The following TMEM182 variants were observed in gnomAD, a reference collection of about 807,000 sequenced individuals.
TMEM182 encodes the protein transmembrane protein 182.
Under a neutral mutation model 26.8 loss-of-function variants are expected in TMEM182, and 20 were observed. The ratio of observed to expected loss-of-function variants is 0.75; its 90% CI spans 0.53 to 1.09. The LOEUF is 1.09. TMEM182 is among the 50% of genes least tolerant of loss of function. The pLI, the probability that TMEM182 is intolerant of heterozygous loss-of-function variation, is 0.00. For missense variants in TMEM182, 277 were observed against 275.5 expected, an observed-to-expected ratio of 1.01 and a Z score of -0.04; for synonymous variants, 109 against 102.2, an observed-to-expected ratio of 1.07 and a Z score of -0.40.
chr2:102,808,896 A>G (rs1314614128), intron 4 of TMEM182, among the ~76,000 whole-genome samples: 1 of 152,170 alleles, frequency 6.6e-6, no homozygotes, highest in Non-Finnish European at 1.5e-5. Context: ...AGCTATAGTG[A>G]TAGATGCTTT....
At chr2:102,783,930 C>A (rs913890301) in intron 3 of TMEM182, among the ~76,000 whole-genome samples, 10 of 152,204 alleles carry the variant, frequency 6.6e-5, no homozygotes, top group Non-Finnish European at 1.3e-4. Context: ...GAGATGCTAG[C>A]TATGTCTCAG....
At chr2:102,787,949 C>G (rs1370943730) in intron 3 of TMEM182, among the ~76,000 whole-genome samples, 1 of 152,234 alleles carries the variant, frequency 6.6e-6, no homozygotes, top group African/African-American at 2.4e-5. Context: ...CTTGCAGAAC[C>G]TGCTTTTTAA....
intron 1 of TMEM182, among the ~76,000 whole-genome samples, chr2:102,738,321 G>A (rs574229025): frequency 9.9e-4 from 150 of 152,270 alleles, no homozygotes; most frequent in South Asian, 3.1e-3. Context: ...ACGGCCAGGC[G>A]CGGTGGCTCA....
chr2:102,744,049 A>G (rs1679616313), intron 1 of TMEM182, among the ~76,000 whole-genome samples: 1 of 152,170 alleles, frequency 6.6e-6, no homozygotes. Flanking sequence ...ATAAGATACC[A>G]TCTTACATCT....
At chr2:102,801,395 T>A (rs1445388344) in intron 4 of TMEM182, among the ~76,000 whole-genome samples, 3 of 152,118 alleles carry the variant, frequency 2.0e-5, no homozygotes, top group Non-Finnish European at 4.4e-5. Context: ...GTGGGCTAGC[T>A]TGAAGCAGGC....
At chr2:102,793,411 A>G (rs888015644) in intron 3 of TMEM182, among the ~76,000 whole-genome samples, 2 of 152,164 alleles carry the variant, frequency 1.3e-5, no homozygotes, top group Non-Finnish European at 2.9e-5. Flanking sequence ...ACTTTGCCCA[A>G]ACATGACTAC....
intron 3 of TMEM182, among the ~76,000 whole-genome samples, chr2:102,825,554 GT>G (rs1263131507): frequency 6.6e-6 from 1 of 152,162 alleles, no homozygotes. Context: ...ACCCCATTGA[GT>G]TTTTGAGTCA....
chr2:102,762,317 A>C lies in TMEM182; in HGVS notation c.100A>C (p.Thr34Pro). ...TGGATCGGATTATTGGCTTCTTGCAACTGAAGTGGGGAGATGTTCAGGTGA... is the reference window on the plus strand; with the variant it reads ...TGGATCGGATTATTGGCTTCTTGCACCTGAAGTGGGGAGATGTTCAGGTGA... Reference protein sequence around the residue: ...AFGSDYWLLATEVGRCSGEKN... With the variant: ...AFGSDYWLLAPEVGRCSGEKN... Residue 34 changes from threonine (T) to proline (P), a missense_variant, in exon 1 of 5, where the codon ACT becomes CCT. Physicochemically the swap from Thr to Pro is conservative, Grantham distance 38 (BLOSUM62 -1). Coordinates refer to ENST00000412401, the MANE Select transcript of TMEM182 (RefSeq NM_144632.5). 1 of 1,613,962 alleles carries C rather than the reference A, an allele frequency of 6.2e-7. No homozygotes were observed. The highest frequency in any genetic ancestry group is 8.5e-7 in the Non-Finnish European group (1 of 1,179,930).
chr2:102,821,389 G>A (rs1046322033), downstream of TMEM182, among the ~76,000 whole-genome samples: 2 of 152,090 alleles, frequency 1.3e-5, no homozygotes, highest in African/African-American at 4.8e-5. Context: ...GCCATACTGA[G>A]TGAGTTCTCA....
At chr2:102,740,248 T>C (rs1308885002) in intron 1 of TMEM182, among the ~76,000 whole-genome samples, 1 of 152,230 alleles carries the variant, frequency 6.6e-6, no homozygotes, top group Non-Finnish European at 1.5e-5. Flanking sequence ...AAATCTCATC[T>C]TGAACTGCAG....
intron 3 of TMEM182, among the ~76,000 whole-genome samples, chr2:102,776,671 T>C (rs1680928246): frequency 6.6e-6 from 1 of 152,166 alleles, no homozygotes; most frequent in South Asian, 2.1e-4. Flanking sequence ...CTGGGGTAAA[T>C]ACCAAGGAGT....
intron 4 of TMEM182, among the ~76,000 whole-genome samples, chr2:102,805,327 G>T (rs967828703): frequency 6.6e-6 from 1 of 152,124 alleles, no homozygotes; most frequent in African/African-American, 2.4e-5. Flanking sequence ...CATCTTAGTT[G>T]GGTGAAGGCT....
chr2:102,758,607 G>A (rs1277798254), upstream of TMEM182: 3 of 648,194 alleles, frequency 4.6e-6, no homozygotes, highest in Admixed American at 4.9e-5. Flanking sequence ...TACCAAGCTG[G>A]GCCAGATCAG....
At chr2:102,758,306 A>G (rs1680107823), upstream of TMEM182, 4 of 584,366 alleles carry the variant, frequency 6.8e-6, no homozygotes, top group Non-Finnish European at 1.2e-5. Flanking sequence ...GCTGCTTAAC[A>G]GCCTTCCTAG....
At chr2:102,817,780 T>C (rs1682806387), downstream of TMEM182, 1 of 898,684 alleles carries the variant, frequency 1.1e-6, no homozygotes, top group African/African-American at 1.8e-5. Context: ...TGCATGTGTA[T>C]TATATGTTTG....
At chr2:102,740,783 A>G (rs1679519271) in intron 1 of TMEM182, among the ~76,000 whole-genome samples, 1 of 152,214 alleles carries the variant, frequency 6.6e-6, no homozygotes, top group Non-Finnish European at 1.5e-5. Context: ...TACAAGCCTT[A>G]TTTGTAATAA....
intron 1 of TMEM182, among the ~76,000 whole-genome samples, chr2:102,738,230 T>A (rs1174453165): frequency 6.6e-6 from 1 of 152,130 alleles, no homozygotes; most frequent in East Asian, 1.9e-4. Flanking sequence ...ATAGCTAGGG[T>A]GAAATTTTAG....
At position 102,773,248 on chromosome 2, in the gene TMEM182, G is replaced by C. The variant is rs138437351; in HGVS notation, c.331+8821G>C. The stretch of plus-strand genomic sequence containing the variant: ...CCTGCCCTCAGGGGGCTGACATTTG[G>C]GTGAGGGGAATCAGATGAAGCAACA... On this transcript the variant is annotated intron_variant, in intron 3 of 4. Coordinates refer to ENST00000412401, the MANE Select transcript of TMEM182 (RefSeq NM_144632.5). Among the ~76,000 whole-genome samples, 913 of 152,118 alleles carry C rather than the reference G, an allele frequency of 6.0e-3. 10 individuals carry two copies. The highest frequency in any genetic ancestry group is 9.2e-3 in the Non-Finnish European group (626 of 67,986).
intron 4 of TMEM182, among the ~76,000 whole-genome samples, chr2:102,812,174 T>C (rs1179651867): frequency 6.6e-6 from 1 of 152,208 alleles, no homozygotes; most frequent in Non-Finnish European, 1.5e-5. Context: ...TGTAACTATT[T>C]CCTGGCAGTC....
Sources: allele counts gnomAD v4.1 joint callset (sites outside exome capture counted in the v4.1 genomes callset), GRCh38; gene constraint gnomAD v4.1.1; transcripts MANE v1.5; gene names NCBI Gene and HGNC (gene_info 2026-07-23, HGNC 2026-07-21).